The following LFNG variants were observed in gnomAD, a reference collection of about 807,000 sequenced individuals.
LFNG encodes the protein LFNG O-fucosylpeptide 3-beta-N-acetylglucosaminyltransferase, also known as beta-1,3-N-acetylglucosaminyltransferase lunatic fringe.
Under a neutral mutation model 32.7 loss-of-function variants are expected in LFNG, and 15 were observed. The observed-to-expected ratio is 0.46, with a 90% CI of 0.31 to 0.71. The LOEUF is 0.71. Among genes scored for constraint, LFNG ranks in the 30% least tolerant of loss-of-function variants. The pLI is 0.06. For synonymous variants in LFNG, 274 were observed against 246.8 expected (o/e 1.11, Z -1.03); for missense variants, 520 against 545.7 (o/e 0.95, Z 0.47).
chr7:2,514,376 G>T (rs1291057333), upstream of LFNG, among the ~76,000 whole-genome samples: 2 of 152,146 alleles, frequency 1.3e-5, no homozygotes, highest in East Asian at 3.9e-4. Flanking sequence ...AGGCCCTGGG[G>T]CACAGCCAAG....
rs2128375276 is a variant in LFNG at position 2,520,417 on chromosome 7, G to T, written c.432+124G>T. ...CATCCAGCCACTAGGGCCATCTGTG[G>T]GCGACGCCAGTGCACCCCGGTGCAC... On this transcript the variant is annotated intron_variant, in intron 1 of 7. Coordinates refer to ENST00000222725, the MANE Select transcript of LFNG (RefSeq NM_001040167.2). This position sits in a 1 kb window ranked among gnomAD's most constrained non-coding sequence, Gnocchi z 5.0. 1 of 879,386 alleles carries T rather than the reference G, an allele frequency of 1.1e-6. No homozygotes were observed. The highest frequency in any genetic ancestry group is 1.7e-5 in the South Asian group (1 of 58,466). The allele number at this position is 879,386 out of a possible 1,614,324, so 54.5% of individuals were successfully genotyped here.
intron 1 of LFNG, among the ~76,000 whole-genome samples, chr7:2,522,379 G>A (rs1779816456): frequency 6.6e-6 from 1 of 152,216 alleles, no homozygotes; most frequent in African/African-American, 2.4e-5. Flanking sequence ...GTCAGCAGGG[G>A]CCGCGCTGAG....
At chr7:2,524,946 C>G (rs928283565) in intron 2 of LFNG, among the ~76,000 whole-genome samples, 2 of 152,236 alleles carry the variant, frequency 1.3e-5, no homozygotes, top group Non-Finnish European at 2.9e-5. Context: ...TTCAGCCCCC[C>G]GGGTCCCTTT....
At position 2,526,107 on chromosome 7, in the gene LFNG, G is replaced by GAGGGAGCTGC; in HGVS notation, c.822-134_822-125dup. 1.2e-6 allele frequency: 1 copy of GAGGGAGCTGC among 861,764 alleles called. No individual in the cohort carries two copies. Among genetic ancestry groups the GAGGGAGCTGC allele is most frequent in the Non-Finnish European group, 1.8e-6 (1 of 558,400 alleles). The allele number at this position is 861,764 out of a possible 1,614,324, so 53.4% of individuals were successfully genotyped here. ...GCCCTGGCTGTGGCCAGGGGAGGCA[G>GAGGGAGCTGC]AGGGAGCTGCAGCCCAGAGCTCTCC... On this transcript the variant is annotated intron_variant, in intron 5 of 7. Transcript: ENST00000222725. This position sits in a 1 kb window ranked among gnomAD's most constrained non-coding sequence, Gnocchi z 6.9.
At chr7:2,524,606 C>A in intron 1 of LFNG, 89 bp from the exon 2 acceptor site, 1 of 1,249,342 alleles carries the variant, frequency 8.0e-7, no homozygotes, top group Non-Finnish European at 1.1e-6. Flanking sequence ...GCAGCTGCAG[C>A]AACTCCAGGG....
At position 2,526,595 on chromosome 7, in the gene LFNG, C is replaced by T. The variant is rs1018564102; in HGVS notation, c.987+186C>T. ...TGTTTATGGCGGGTTGTTTTCCTGC[C>T]GTCTCTTCTCTTCACTGTGATGCGC... On this transcript the variant is annotated intron_variant, in intron 6 of 7. Coordinates refer to ENST00000222725, the MANE Select transcript of LFNG (RefSeq NM_001040167.2). The surrounding 1 kb of genome is among the most constrained non-coding windows in gnomAD (Gnocchi z 6.9). Among the ~76,000 whole-genome samples the T allele has an allele frequency of 1.3e-5, 2 of 152,152 alleles. No individual in the cohort carries two copies. Among genetic ancestry groups the T allele is most frequent in the Non-Finnish European group, 2.9e-5 (2 of 68,004 alleles).
chr7:2,525,887 CACTT>C (rs1451560755), intron 5 of LFNG, 117 bp downstream of exon 5: 11 of 878,410 alleles, frequency 1.3e-5, no homozygotes, highest in Non-Finnish European at 2.0e-5. Flanking sequence ...TGGCACTGCC[CACTT>C]ACTTCCTATA....
upstream of LFNG, chr7:2,518,610 G>A (rs1208617093): frequency 1.9e-6 from 3 of 1,611,054 alleles, no homozygotes; most frequent in Non-Finnish European, 2.5e-6. Flanking sequence ...TAAGGAGAGG[G>A]GCTCCAAGGG....
At chr7:2,528,975 C>T (rs371390443), downstream of LFNG, 71 of 493,182 alleles carry the variant, frequency 1.4e-4, no homozygotes, top group Admixed American at 9.9e-4. Context: ...GCCGTGGGTC[C>T]GGCCGCCCCA....
Position 2,519,940 on chromosome 7 carries a change from G to T in LFNG, c.79G>T (p.Asp27Tyr). The change falls in exon 1 of 8, where the codon GAC (aspartate) becomes TAC (tyrosine). Residue 27 changes from aspartate (D) to tyrosine (Y), a missense_variant. Asp to Tyr is a radical substitution (Grantham distance 160). This residue lies in a region of LFNG where 360 missense variants were observed against 354.7 expected (regional missense o/e 1.01). Coordinates refer to ENST00000222725, the MANE Select transcript of LFNG (RefSeq NM_001040167.2). Reference protein sequence around the residue: ...LLACLLVLTADPPPPPLPAER... With the variant: ...LLACLLVLTAYPPPPPLPAER... ...CGCCTGCCTGCTGGTGCTCACCGCCGACCCGCCGCCGCCTCCACTGCCCGC... is the reference window on the plus strand; with the variant it reads ...CGCCTGCCTGCTGGTGCTCACCGCCTACCCGCCGCCGCCTCCACTGCCCGC... 2.9e-6 allele frequency: 3 copies of T among 1,024,388 alleles called. No individual in the cohort carries two copies. The highest frequency in any genetic ancestry group is 4.3e-5 in the South Asian group (1 of 23,142). 63.5% of individuals were successfully genotyped at this position (1,024,388 alleles called of 1,614,324 possible). A position where few individuals can be genotyped will look rare whatever the true frequency, so the allele number is the denominator to read the frequency against.
At chr7:2,513,122 C>A (rs781713770), upstream of LFNG, 1 of 1,610,160 alleles carries the variant, frequency 6.2e-7, no homozygotes, top group Non-Finnish European at 8.5e-7. Context: ...ATTTTTCTAA[C>A]CCCTGTTGAA....
intron 4 of LFNG, 37 bp downstream of exon 4, chr7:2,525,604 C>T (rs374859894): frequency 1.7e-4 from 277 of 1,611,922 alleles, no homozygotes; most frequent in Middle Eastern, 8.3e-4. Context: ...CACGCCCACG[C>T]GGAGCGCACA....
intron 1 of LFNG, among the ~76,000 whole-genome samples, chr7:2,524,158 C>A (rs1040600344): frequency 6.6e-6 from 1 of 152,192 alleles, no homozygotes; most frequent in African/African-American, 2.4e-5. Context: ...GCCCTTTGTC[C>A]GCCAGGGCTT....
intron 1 of LFNG, among the ~76,000 whole-genome samples, chr7:2,521,418 T>C (rs997749706): frequency 6.6e-6 from 1 of 152,200 alleles, no homozygotes; most frequent in Non-Finnish European, 1.5e-5. Flanking sequence ...CGCCGGCCCC[T>C]TGGGCAAGGT....
upstream of LFNG, among the ~76,000 whole-genome samples, chr7:2,519,130 C>G (rs1779703574): frequency 6.6e-6 from 1 of 152,144 alleles, no homozygotes; most frequent in Admixed American, 6.5e-5. Flanking sequence ...GGGCCAGGAT[C>G]GAGGAAATCA....
At position 2,525,605 on chromosome 7, in the gene LFNG, G is replaced by A. The variant is rs768593052; in HGVS notation, c.735+38G>A. The A allele has an allele frequency of 5.0e-6, 8 of 1,611,940 alleles. 1 individual carries two copies. The highest frequency in any genetic ancestry group is 4.4e-5 in the South Asian group (4 of 90,930). On this transcript the variant is annotated intron_variant, in intron 4 of 7. Coordinates refer to ENST00000222725, the MANE Select transcript of LFNG (RefSeq NM_001040167.2). ...CCCTCCCAGTCCCCCACGCCCACGC[G>A]GAGCGCACACCCGGAGTGGGGGTGG...
intron 1 of LFNG, among the ~76,000 whole-genome samples, chr7:2,521,215 AGGGCGACGGGGAGGGGCAG>A (rs1275750657): frequency 6.6e-6 from 1 of 151,036 alleles, no homozygotes; most frequent in East Asian, 2.0e-4. Flanking sequence ...TGAGGTCATG[AGGGCGACGGGGAGGGGCAG>A]GGTCCTCCCT....
At chr7:2,524,635 C>G in intron 1 of LFNG, 60 bp from the exon 2 acceptor site, 2 of 1,520,826 alleles carry the variant, frequency 1.3e-6, no homozygotes, top group South Asian at 1.2e-5. Flanking sequence ...CCGGCCCCCA[C>G]AGATGGCCCT....
chr7:2,523,004 C>T (rs1486131842), intron 1 of LFNG, among the ~76,000 whole-genome samples: 2 of 152,230 alleles, frequency 1.3e-5, no homozygotes, highest in African/African-American at 2.4e-5. Flanking sequence ...CCCATAGCCC[C>T]GCCTTCTCAG....
Sources: gnomAD v4.1 joint callset for allele counts (sites outside exome capture counted in the v4.1 genomes callset) on GRCh38, gnomAD v4.1.1 for gene constraint, gnomAD v4.1.1 regional missense constraint, Gnocchi (gnomAD v3.1) non-coding constraint, MANE v1.5 for transcripts, NCBI Gene and HGNC (gene_info 2026-07-23, HGNC 2026-07-21) for gene names.